The following KIF16B variants were observed in gnomAD, a reference collection of about 807,000 sequenced individuals.
KIF16B encodes kinesin family member 16B.
Under a neutral mutation model 156.3 loss-of-function variants are expected in KIF16B, and 98 were observed. The ratio of observed to expected loss-of-function variants is 0.63; its 90% CI spans 0.53 to 0.74. The LOEUF is 0.74. KIF16B is among the 30% of genes least tolerant of loss of function. KIF16B has a pLI of 0.00. For synonymous variants in KIF16B, 564 were observed against 583.7 expected (o/e 0.97, Z 0.49); for missense variants, 1,421 against 1,606.5 (o/e 0.88, Z 1.97).
intron 17 of KIF16B, among the ~76,000 whole-genome samples, chr20:16,396,501 T>G (rs1225901022): frequency 6.6e-6 from 1 of 151,658 alleles, no homozygotes; most frequent in Middle Eastern, 3.2e-3. Flanking sequence ...AGATATAAAA[T>G]ATAAATATAT....
intron 15 of KIF16B, among the ~76,000 whole-genome samples, chr20:16,424,549 T>C (rs2066307191): frequency 6.6e-6 from 1 of 152,160 alleles, no homozygotes; most frequent in Non-Finnish European, 1.5e-5. Context: ...ACTGTAATTA[T>C]AAAGACTACG....
chr20:16,483,976 C>A (rs767130477), intron 12 of KIF16B, among the ~76,000 whole-genome samples: 1 of 151,996 alleles, frequency 6.6e-6, no homozygotes, highest in Admixed American at 6.6e-5. Context: ...ATGCAGCATC[C>A]GCTGAGTACA....
chr20:16,526,490 T>C (rs73244210), intron 2 of KIF16B, among the ~76,000 whole-genome samples: 2,844 of 152,344 alleles, frequency 0.019, 82 homozygotes, highest in African/African-American at 0.065. Context: ...GATTTTTTAC[T>C]GTTCCCTCCA....
intron 1 of KIF16B, among the ~76,000 whole-genome samples, chr20:16,537,704 G>GTTTTTT (rs1171475559): frequency 3.9e-5 from 4 of 101,538 alleles, no homozygotes; most frequent in Non-Finnish European, 7.7e-5. Context: ...TCTTTTTTTC[G>GTTTTTT]TTTTTTTTTT....
At chr20:16,296,676 T>C (rs1247970962) in intron 25 of KIF16B, among the ~76,000 whole-genome samples, 3 of 152,182 alleles carry the variant, frequency 2.0e-5, no homozygotes, top group Non-Finnish European at 4.4e-5. Flanking sequence ...TTGGGATTGA[T>C]ATTAGAATAT....
At chr20:16,421,476 T>C (rs575258512) in intron 15 of KIF16B, among the ~76,000 whole-genome samples, 1 of 152,292 alleles carries the variant, frequency 6.6e-6, no homozygotes, top group Non-Finnish European at 1.5e-5. Context: ...CATATTTTCA[T>C]AACCAGAAAC....
intron 22 of KIF16B, chr20:16,368,224 G>T: frequency 9.9e-7 from 1 of 1,012,678 alleles, no homozygotes; most frequent in Non-Finnish European, 1.2e-6. Context: ...GCTCTTTCTA[G>T]CATCTTCATA....
At chr20:16,420,158 T>C (rs1474512995) in intron 15 of KIF16B, among the ~76,000 whole-genome samples, 1 of 152,198 alleles carries the variant, frequency 6.6e-6, no homozygotes, top group African/African-American at 2.4e-5. Context: ...ACAAACTTTA[T>C]ATATGTCATC....
intron 12 of KIF16B, among the ~76,000 whole-genome samples, chr20:16,490,907 C>T (rs1351482715): frequency 6.6e-6 from 1 of 152,134 alleles, no homozygotes; most frequent in Non-Finnish European, 1.5e-5. Context: ...GGAGCTGGCT[C>T]GCGGAATGAT....
At position 16,350,736 on chromosome 20, in the gene KIF16B, G is replaced by A. The variant is rs534842362; in HGVS notation, c.3621+5594C>T. Among the ~76,000 whole-genome samples, 9 of 151,898 alleles carry A rather than the reference G, an allele frequency of 5.9e-5. No individual in the cohort carries two copies. The East Asian group carries it at 1.2e-3, about 20-fold the overall frequency. On this transcript the variant is annotated intron_variant, in intron 23 of 25. Coordinates refer to ENST00000354981, the MANE Select transcript of KIF16B (RefSeq NM_024704.5). ...GGAGCATGAGGAGCTGGGTGGGGGC[G>A]GGGGGGAAGTTTACAAAGGGCACAC... is the stretch of plus-strand genomic sequence containing the variant.
At chr20:16,516,105 A>G (rs1347605793) in intron 3 of KIF16B, among the ~76,000 whole-genome samples, 1 of 152,242 alleles carries the variant, frequency 6.6e-6, no homozygotes. Flanking sequence ...AATCAATGCC[A>G]TCATTTTAAG....
Position 16,427,249 on chromosome 20 carries a change from G to A in KIF16B, c.1475-8C>T. Reference sequence around the variant, plus strand: ...AGTCAAGGCCATGAAGAACTAAAGTGGAAAAACAAAGTAGAAAGAATTTTT... The same window carrying A: ...AGTCAAGGCCATGAAGAACTAAAGTAGAAAAACAAAGTAGAAAGAATTTTT... On this transcript the variant is annotated splice_polypyrimidine_tract_variant and splice_region_variant and intron_variant, in intron 14 of 25. Transcript: ENST00000354981. 2.5e-6 allele frequency: 4 copies of A among 1,599,050 alleles called. No individual in the cohort carries two copies. The highest frequency in any genetic ancestry group is 3.4e-6 in the Non-Finnish European group (4 of 1,174,688).
At chr20:16,390,716 A>G (rs2065343239) in intron 17 of KIF16B, among the ~76,000 whole-genome samples, 1 of 152,198 alleles carries the variant, frequency 6.6e-6, no homozygotes, top group Non-Finnish European at 1.5e-5. Flanking sequence ...ATGATCCATC[A>G]TTACAAAATA....
chr20:16,472,989 T>C (rs1043093952), intron 12 of KIF16B, among the ~76,000 whole-genome samples: 1 of 152,184 alleles, frequency 6.6e-6, no homozygotes, highest in African/African-American at 2.4e-5. Context: ...TTTTTCAGAA[T>C]GCCACTATCT....
At chr20:16,312,661 G>A (rs2063636956) in intron 24 of KIF16B, among the ~76,000 whole-genome samples, 1 of 152,130 alleles carries the variant, frequency 6.6e-6, no homozygotes, top group Non-Finnish European at 1.5e-5. Context: ...ATGGAAGAAT[G>A]AATCTGATTC....
chr20:16,283,107 G>A (rs1157317949), intron 25 of KIF16B, among the ~76,000 whole-genome samples: 2 of 152,134 alleles, frequency 1.3e-5, no homozygotes, highest in Non-Finnish European at 2.9e-5. Flanking sequence ...CTCAGGGCAG[G>A]GCAAGCTTTT....
intron 12 of KIF16B, among the ~76,000 whole-genome samples, chr20:16,463,985 A>G (rs1260831730): frequency 6.6e-6 from 1 of 152,216 alleles, no homozygotes. Flanking sequence ...TACCAGGGGT[A>G]AATCTGTGGC....
At chr20:16,492,233 C>T (rs1372892997) in intron 12 of KIF16B, among the ~76,000 whole-genome samples, 1 of 152,210 alleles carries the variant, frequency 6.6e-6, no homozygotes, top group Non-Finnish European at 1.5e-5. Context: ...AACCCATCAA[C>T]TAACAATCAA....
Position 16,445,419 on chromosome 20 carries a change from C to CGTGTGTGTGTGTGTGTGTGTGT in KIF16B, c.1303-15459_1303-15438dup, listed in dbSNP as rs11467171. ...TCATTTGTATTCAGACATGTATATACGTGTGTGTGTGTGTGTGTGTGTGTG... is the reference window on the plus strand; with the variant it reads ...TCATTTGTATTCAGACATGTATATACGTGTGTGTGTGTGTGTGTGTGTGTGTGTGTGTGTGTGTGTGTGTGTG... On this transcript the variant is annotated intron_variant, in intron 12 of 25. Transcript: ENST00000354981. 1.9e-3 allele frequency among the ~76,000 whole-genome samples: 285 copies of CGTGTGTGTGTGTGTGTGTGTGT among 146,858 alleles called. 1 individual carries two copies. Among genetic ancestry groups the CGTGTGTGTGTGTGTGTGTGTGT allele is most frequent in the African/African-American group, 6.8e-3 (270 of 39,520 alleles).
Sources: allele counts gnomAD v4.1 joint callset (sites outside exome capture counted in the v4.1 genomes callset), GRCh38; gene constraint gnomAD v4.1.1; transcripts MANE v1.5; gene names NCBI Gene and HGNC (gene_info 2026-07-23, HGNC 2026-07-21).